The following CDR2L variants were observed in gnomAD, a reference collection of about 807,000 sequenced individuals.
The protein encoded by CDR2L is cerebellar degeneration-related protein 2-like.
CDR2L carries 19 observed loss-of-function variants against 36.1 expected under a neutral mutation model. That is an observed-to-expected ratio of 0.53 (90% CI 0.37 to 0.77). The LOEUF is 0.77. Ranked by LOEUF, CDR2L falls within the 30% of genes least tolerant of loss-of-function variation. The pLI, the probability that CDR2L is intolerant of heterozygous loss-of-function variation, is 0.00. For missense variants in CDR2L, 575 were observed against 627.2 expected (o/e 0.92, Z 0.89); for synonymous variants, 285 against 280.4 (o/e 1.02, Z -0.16).
intron 1 of CDR2L, among the ~76,000 whole-genome samples, chr17:74,994,441 C>T (rs1178648138): frequency 2.0e-5 from 3 of 152,182 alleles, no homozygotes; most frequent in African/African-American, 7.2e-5. Flanking sequence ...GACAGAATGC[C>T]TCAAGAAGGC....
chr17:74,996,209 C>T (rs1259995079), intron 1 of CDR2L, among the ~76,000 whole-genome samples: 1 of 151,894 alleles, frequency 6.6e-6, no homozygotes, highest in Non-Finnish European at 1.5e-5. Flanking sequence ...TTTGGGAGGC[C>T]GAGGTGGGTG....
In CDR2L at chr17:74,991,935, C is replaced by A. The variant is rs374571205; in HGVS notation, c.79+3813C>A. 3.3e-5 allele frequency among the ~76,000 whole-genome samples: 5 copies of A among 152,100 alleles called. No individual in the cohort carries two copies. The East Asian group carries it at 9.6e-4, about 29-fold the overall frequency. On this transcript the variant is annotated intron_variant, in intron 1 of 4. Transcript: ENST00000337231. ...CCTTGAGTCCTCAGCCTCAGGAGAG[C>A]TCTGACCTGGCAACGGGAGGGAGGT...
chr17:74,998,840 G>A (rs981892988), intron 1 of CDR2L, among the ~76,000 whole-genome samples: 11 of 152,212 alleles, frequency 7.2e-5, no homozygotes, highest in Admixed American at 2.0e-4. Context: ...CTTCATCAAA[G>A]CTTTTTTCCG....
chr17:75,001,251 A>G (rs1293672630), intron 2 of CDR2L, 90 bp from the exon 3 acceptor site: 2 of 1,329,166 alleles, frequency 1.5e-6, no homozygotes, highest in Non-Finnish European at 2.0e-6. Flanking sequence ...AAGAAAAGAA[A>G]AAAGACAAAA....
chr17:74,997,919 TAA>T (rs35218405), intron 1 of CDR2L, among the ~76,000 whole-genome samples: 26 of 125,934 alleles, frequency 2.1e-4, no homozygotes, highest in Admixed American at 2.5e-4. Flanking sequence ...TTTTAGAAGT[TAA>T]AAAAAAAAAA....
chr17:74,990,533 G>A (rs2039790263), intron 1 of CDR2L, among the ~76,000 whole-genome samples: 2 of 152,248 alleles, frequency 1.3e-5, no homozygotes, highest in South Asian at 4.1e-4. Context: ...TGTAGGCCCA[G>A]CAACGGGGAC....
chr17:75,002,355 C>A lies in CDR2L; in HGVS notation c.506+127C>A. ...GAGAGACTGGTCCTGTTGCTAATGA[C>A]AGTCACAGCAGCTGGCGTTTACTGA... is the stretch of plus-strand genomic sequence containing the variant. On this transcript the variant is annotated intron_variant, in intron 4 of 4. Coordinates refer to ENST00000337231, the MANE Select transcript of CDR2L (RefSeq NM_014603.3). This position sits in a 1 kb window ranked among gnomAD's most constrained non-coding sequence, Gnocchi z 4.1. The A allele has an allele frequency of 1.3e-6, 1 of 793,584 alleles. No homozygotes were observed. The allele number at this position is 793,584 out of a possible 1,614,324, so 49.2% of individuals were successfully genotyped here. A position where few individuals can be genotyped will look rare whatever the true frequency, so the allele number is the denominator to read the frequency against.
Position 75,002,124 on chromosome 17 carries a change from G to A in CDR2L, c.402G>A (p.Glu134=). 2 of 1,602,764 alleles carry A rather than the reference G, an allele frequency of 1.2e-6. No individual in the cohort carries two copies. Among genetic ancestry groups the A allele is most frequent in the East Asian group, 2.3e-5 (1 of 44,366 alleles). Reference sequence around the variant, plus strand: ...TGGAGGAGCTGCAGGCCCAGGTGGAGCAACTGAGAGGCCTGGAACAGCTGC... The same window carrying A: ...TGGAGGAGCTGCAGGCCCAGGTGGAACAACTGAGAGGCCTGGAACAGCTGC... ...AQVEELQAQV[E]QLRGLEQLRV... is the part of the protein sequence containing the mutation. The change falls in exon 4 of 5, where the codon GAG becomes GAA. Residue 134 remains glutamate (E), a synonymous_variant. Coordinates refer to ENST00000337231, the MANE Select transcript of CDR2L (RefSeq NM_014603.3). The surrounding 1 kb of genome is among the most constrained non-coding windows in gnomAD (Gnocchi z 4.1).
Position 74,989,718 on chromosome 17 carries a change from G to A in CDR2L, c.79+1596G>A, listed in dbSNP as rs967487787. Among the ~76,000 whole-genome samples, 4 of 151,836 alleles carry A rather than the reference G, an allele frequency of 2.6e-5. No individual in the cohort carries two copies. Among genetic ancestry groups the A allele is most frequent in the Admixed American group, 6.6e-5 (1 of 15,242 alleles). ...CACCCAGGTTGGAGTGTAATGGTGC[G>A]ATCTCAGCTCACTGCAACCTCCATC... On this transcript the variant is annotated intron_variant, in intron 1 of 4. Coordinates refer to ENST00000337231, the MANE Select transcript of CDR2L (RefSeq NM_014603.3). This position sits in a 1 kb window ranked among gnomAD's most constrained non-coding sequence, Gnocchi z 4.2.
rs1257827829 is a variant in CDR2L at position 75,002,202 on chromosome 17, C to A, written c.480C>A (p.Cys160Ter). The A allele has an allele frequency of 6.2e-7, 1 of 1,609,984 alleles. No individual in the cohort carries two copies. Among genetic ancestry groups the A allele is most frequent in the Non-Finnish European group, 8.5e-7 (1 of 1,178,258 alleles). ...GGCGTACCATCCACACCTTCCCCTG[C>A]CTCAAGGAGCTGTGCACCAGCCCCC... Reference protein sequence around the residue: ...ERRRTIHTFPCLKELCTSPRC... With the variant: ...ERRRTIHTFP Residue 160 changes from cysteine (C) to a stop codon, truncating the protein, a stop_gained, in exon 4 of 5, where the codon TGC becomes TGA. Coordinates refer to ENST00000337231, the MANE Select transcript of CDR2L (RefSeq NM_014603.3). LOFTEE classifies it high-confidence loss of function. This position sits in a 1 kb window ranked among gnomAD's most constrained non-coding sequence, Gnocchi z 4.1.
Position 75,003,913 on chromosome 17 carries a change from G to T in CDR2L, c.1237G>T (p.Ala413Ser). ...GGEEGQGEVKAGEKSLSQHVE... is the reference protein window; with the variant it reads ...GGEEGQGEVKSGEKSLSQHVE... ...TGAGGAGGGCCAGGGTGAGGTCAAGGCAGGAGAGAAGAGCCTGAGCCAGCA... is the reference window on the plus strand; with the variant it reads ...TGAGGAGGGCCAGGGTGAGGTCAAGTCAGGAGAGAAGAGCCTGAGCCAGCA... The change falls in exon 5 of 5, where the codon GCA becomes TCA. Residue 413 changes from alanine to serine, a missense_variant. Physicochemically the swap from Ala to Ser is moderately conservative, Grantham distance 99. Coordinates refer to ENST00000337231, the MANE Select transcript of CDR2L (RefSeq NM_014603.3). 1 of 1,610,024 alleles carries T rather than the reference G, an allele frequency of 6.2e-7. No individual in the cohort carries two copies. The highest frequency in any genetic ancestry group is 8.5e-7 in the Non-Finnish European group (1 of 1,178,392).
At chr17:74,988,243 G>A in intron 1 of CDR2L, 121 bp downstream of exon 1, 1 of 599,680 alleles carries the variant, frequency 1.7e-6, no homozygotes, top group Non-Finnish European at 2.7e-6. Flanking sequence ...CGCCCGACTC[G>A]GAGGAGGGAC....
At position 74,996,585 on chromosome 17, in the gene CDR2L, T is replaced by C. The variant is rs2039827483; in HGVS notation, c.80-2919T>C. On this transcript the variant is annotated intron_variant, in intron 1 of 4. Coordinates refer to ENST00000337231, the MANE Select transcript of CDR2L (RefSeq NM_014603.3). ...CCAAGAGAATTTTTAGGGATTTTAG[T>C]ACCTGCCGTTTCCTTCTAACTCCTT... 3.9e-5 allele frequency among the ~76,000 whole-genome samples: 6 copies of C among 152,276 alleles called. No individual in the cohort carries two copies. The South Asian group carries it at 1.2e-3, about 32-fold the overall frequency.
In CDR2L at chr17:75,003,255, G is replaced by T. The variant is rs185780458; in HGVS notation, c.579G>T (p.Glu193Asp). The T allele has an allele frequency of 6.4e-7, 1 of 1,561,006 alleles. No homozygotes were observed. Among genetic ancestry groups the T allele is most frequent in the Non-Finnish European group, 8.7e-7 (1 of 1,153,494 alleles). ...CGCGGCCCCTGGAGCAGGAGAACGAGCGGCTGCAGACCCTGGTGGGGGCGC... is the reference window on the plus strand; with the variant it reads ...CGCGGCCCCTGGAGCAGGAGAACGATCGGCTGCAGACCCTGGTGGGGGCGC... ...LGPRPLEQENERLQTLVGALR... is the reference protein window; with the variant it reads ...LGPRPLEQENDRLQTLVGALR... Residue 193 changes from glutamate to aspartate, a missense_variant, in exon 5 of 5, where the codon GAG (glutamate) becomes GAT (aspartate). Transcript: ENST00000337231.
intron 2 of CDR2L, 35 bp from the exon 3 acceptor site, chr17:75,001,306 T>C: frequency 6.4e-7 from 1 of 1,566,710 alleles, no homozygotes. Flanking sequence ...CCCTGCCCAA[T>C]TCTAAAAAGT....
rs36057512 is a variant in CDR2L, at chr17:75,003,576, C to T, written c.900C>T (p.Asp300=). ...PGRGDDLGAQ[D]GVSSPAASPG... ...GCGGGGACGACTTGGGCGCCCAGGACGGGGTCTCCTCACCGGCAGCCTCTC... is the reference window on the plus strand; with the variant it reads ...GCGGGGACGACTTGGGCGCCCAGGATGGGGTCTCCTCACCGGCAGCCTCTC... The change falls in exon 5 of 5, where the codon GAC becomes GAT. Residue 300 remains aspartate (D), a synonymous_variant. Coordinates refer to ENST00000337231, the MANE Select transcript of CDR2L (RefSeq NM_014603.3). 6.6e-7 allele frequency: 1 copy of T among 1,509,128 alleles called. No individual in the cohort carries two copies. The highest frequency in any genetic ancestry group is 2.5e-5 in the East Asian group (1 of 40,552). 93.5% of individuals were successfully genotyped at this position (1,509,128 alleles called of 1,614,324 possible).
At chr17:74,991,273 A>G (rs2039795081) in intron 1 of CDR2L, among the ~76,000 whole-genome samples, 1 of 151,932 alleles carries the variant, frequency 6.6e-6, no homozygotes, top group African/African-American at 2.4e-5. Flanking sequence ...GTGGTGGCAC[A>G]TGCCTGTAAT....
chr17:74,987,822 T>C lies in CDR2L; in HGVS notation c.-222T>C. ...CACCCTTTGTGTCGCCGCAGCCCGG[T>C]GCCCCCGGCTCTGCGGGACCCCGGC... On this transcript the variant is annotated 5_prime_UTR_variant, in exon 1 of 5. Transcript: ENST00000337231. 4.1e-6 allele frequency: 1 copy of C among 241,958 alleles called. No homozygotes were observed. The highest frequency in any genetic ancestry group is 7.9e-6 in the Non-Finnish European group (1 of 126,942). The allele number at this position is 241,958 out of a possible 1,614,324, so 15.0% of individuals were successfully genotyped here. A position where few individuals can be genotyped will look rare whatever the true frequency, so the allele number is the denominator to read the frequency against.
intron 1 of CDR2L, among the ~76,000 whole-genome samples, chr17:74,988,488 G>A (rs1197823761): frequency 1.3e-5 from 2 of 152,214 alleles, no homozygotes; most frequent in South Asian, 2.1e-4. Flanking sequence ...CCGGGAGGCG[G>A]CTCCTTCGTC....
Sources: allele counts gnomAD v4.1 joint callset (sites outside exome capture counted in the v4.1 genomes callset), GRCh38; gene constraint gnomAD v4.1.1; non-coding constraint Gnocchi (gnomAD v3.1); transcripts MANE v1.5; gene names NCBI Gene and HGNC (gene_info 2026-07-23, HGNC 2026-07-21).